ADAT1: variants seen among roughly 807,000 people sequenced by gnomAD.
ADAT1 encodes the protein tRNA-specific adenosine deaminase 1.
A neutral mutation model predicts 58.6 loss-of-function variants in ADAT1; 58 were observed. The ratio of observed to expected loss-of-function variants is 0.99; its 90% CI spans 0.80 to 1.23. ADAT1 has a LOEUF of 1.23. Among genes scored for constraint, ADAT1 ranks in the 50% most tolerant of loss-of-function variants. The probability of loss-of-function intolerance (pLI) is 0.00; values close to 1 mark genes in which losing one functional copy is unlikely to be tolerated. For missense variants in ADAT1, 741 were observed against 608.6 expected (o/e 1.22, Z -2.29); for synonymous variants, 254 against 220.8 (o/e 1.15, Z -1.33).
intron 6 of ADAT1, among the ~76,000 whole-genome samples, chr16:75,612,034 G>C (rs2081553245): frequency 6.6e-6 from 1 of 152,074 alleles, no homozygotes; most frequent in African/African-American, 2.4e-5. Context: ...CCCCAGCCTG[G>C]GTGACAGAGC....
chr16:75,605,479 G>A (rs547307301), intron 8 of ADAT1, among the ~76,000 whole-genome samples: 7 of 152,090 alleles, frequency 4.6e-5, no homozygotes, highest in South Asian at 2.1e-4. Context: ...TACATAATAC[G>A]TGTTAATTGT....
chr16:75,614,690 T>C (rs2081648349), intron 5 of ADAT1, among the ~76,000 whole-genome samples: 1 of 152,104 alleles, frequency 6.6e-6, no homozygotes, highest in South Asian at 2.1e-4. Flanking sequence ...GCCTGACTCA[T>C]GCTAATAAAA....
Position 75,604,474 on chromosome 16 carries a change from TACACACACACACACAC to T in ADAT1, c.1290-1319_1290-1304del, listed in dbSNP as rs373687206. Among the ~76,000 whole-genome samples, 114 of 53,984 alleles carry T rather than the reference TACACACACACACACAC, an allele frequency of 2.1e-3. 1 individual carries two copies. Among genetic ancestry groups the T allele is most frequent in the Middle Eastern group, 0.013 (1 of 80 alleles). The allele number at this position is 53,984 out of a possible 152,430, so 35.4% of individuals were successfully genotyped here. ...AAAAAAAAATATATATATATATATA[TACACACACACACACAC>T]ACACACACACACACACACACACACA... On this transcript the variant is annotated intron_variant, in intron 8 of 9. Transcript: ENST00000564657.
chr16:75,607,965 A>G (rs1422422170), intron 8 of ADAT1, among the ~76,000 whole-genome samples: 1 of 152,210 alleles, frequency 6.6e-6, no homozygotes, highest in Non-Finnish European at 1.5e-5. Flanking sequence ...ACACTATGCT[A>G]AGTGAAAGAA....
At chr16:75,604,489 ACACACAC>A in intron 8 of ADAT1, among the ~76,000 whole-genome samples, 1 of 132,484 alleles carries the variant, frequency 7.5e-6, no homozygotes, top group Non-Finnish European at 1.5e-5. Flanking sequence ...ACACACACAC[ACACACAC>A]ACACACACAC....
At chr16:75,611,784 G>A (rs542578985) in intron 6 of ADAT1, among the ~76,000 whole-genome samples, 264 of 152,114 alleles carry the variant, frequency 1.7e-3, no homozygotes, top group African/African-American at 6.1e-3. Flanking sequence ...TTAGCCGGGC[G>A]CGGTGGCTCA....
chr16:75,615,626 T>C (rs1487985849), intron 5 of ADAT1, among the ~76,000 whole-genome samples: 2 of 151,870 alleles, frequency 1.3e-5, no homozygotes, highest in African/African-American at 2.4e-5. Context: ...GTTAGACAAG[T>C]TTGGATTAGG....
At chr16:75,617,081 A>G in intron 5 of ADAT1, 61 bp downstream of exon 5, 1 of 1,545,942 alleles carries the variant, frequency 6.5e-7, no homozygotes, top group Admixed American at 1.8e-5. Flanking sequence ...CTACCTATGG[A>G]TAACACAAAC....
intron 8 of ADAT1, among the ~76,000 whole-genome samples, chr16:75,605,772 C>T (rs900911450): frequency 2.0e-5 from 3 of 151,524 alleles, no homozygotes; most frequent in African/African-American, 4.8e-5. Context: ...CCCGTCTCTA[C>T]TAAAAATACA....
chr16:75,605,830 G>A (rs1240790456), intron 8 of ADAT1, among the ~76,000 whole-genome samples: 1 of 151,402 alleles, frequency 6.6e-6, no homozygotes, highest in East Asian at 1.9e-4. Flanking sequence ...CCAGCTACTC[G>A]GGAGGCTGAG....
chr16:75,617,522 T>C (rs1024984088), intron 4 of ADAT1, among the ~76,000 whole-genome samples: 1 of 152,100 alleles, frequency 6.6e-6, no homozygotes, highest in Non-Finnish European at 1.5e-5. Context: ...TAACCCCAGC[T>C]ACTTGGGAGA....
rs1467479689 is a variant in ADAT1 at position 75,598,782 on chromosome 16, G to A, written c.*1434C>T. 1.9e-6 allele frequency: 1 copy of A among 536,398 alleles called. No homozygotes were observed. The highest frequency in any genetic ancestry group is 2.1e-5 in the African/African-American group (1 of 48,472). 33.2% of individuals were successfully genotyped at this position (536,398 alleles called of 1,614,324 possible). Reference sequence around the variant, plus strand: ...GATCTGCCTGCCTCAGCCTCCCAAAGTGTTGGAATTACAGGCGTAAGCCAC... The same window carrying A: ...GATCTGCCTGCCTCAGCCTCCCAAAATGTTGGAATTACAGGCGTAAGCCAC... On this transcript the variant is annotated 3_prime_UTR_variant, in exon 10 of 10. Transcript: ENST00000564657.
rs1567470288 is a variant in ADAT1 at position 75,608,831 on chromosome 16, T to C, written c.1189+12A>G. Reference sequence around the variant, plus strand: ...CAGTTACTCCAGGGCAGGTCTAACCTGGATCTCTTACCTGCCCCACAAGGA... The same window carrying C: ...CAGTTACTCCAGGGCAGGTCTAACCCGGATCTCTTACCTGCCCCACAAGGA... On this transcript the variant is annotated intron_variant, in intron 7 of 9. Transcript: ENST00000564657. 1.2e-6 allele frequency: 2 copies of C among 1,611,742 alleles called. No homozygotes were observed. The highest frequency in any genetic ancestry group is 1.7e-6 in the Non-Finnish European group (2 of 1,179,344).
At chr16:75,614,374 C>A (rs1418770415) in intron 5 of ADAT1, among the ~76,000 whole-genome samples, 1 of 152,194 alleles carries the variant, frequency 6.6e-6, no homozygotes, top group Non-Finnish European at 1.5e-5. Context: ...TCTGTCCTTA[C>A]AGGAAACAGA....
chr16:75,615,846 A>ATT (rs2081694350), intron 5 of ADAT1, among the ~76,000 whole-genome samples: 2 of 152,144 alleles, frequency 1.3e-5, no homozygotes, highest in Non-Finnish European at 2.9e-5. Context: ...TCATGTGCAT[A>ATT]TTACAGCTTG....
chr16:75,617,423 C>CA (rs2081769724), intron 4 of ADAT1, 151 bp from the exon 5 acceptor site: 3 of 821,114 alleles, frequency 3.7e-6, no homozygotes, highest in Middle Eastern at 2.5e-4. Flanking sequence ...CAGTGATTCT[C>CA]AAAGTGTGGT....
chr16:75,600,452 T>C (rs1411505844), intron 9 of ADAT1, 104 bp from the exon 10 acceptor site: 1 of 1,513,518 alleles, frequency 6.6e-7, no homozygotes, highest in Non-Finnish European at 8.9e-7. Context: ...TAATGAGACT[T>C]AGGTAGAGAA....
At chr16:75,605,596 T>G (rs74750114) in intron 8 of ADAT1, among the ~76,000 whole-genome samples, 17,703 of 152,022 alleles carry the variant, frequency 0.12, 2,555 homozygotes, top group East Asian at 0.7. Flanking sequence ...ACACCCACAT[T>G]GTTGAAAAGT....
chr16:75,606,660 C>T (rs566710203), intron 8 of ADAT1, among the ~76,000 whole-genome samples: 1 of 152,292 alleles, frequency 6.6e-6, no homozygotes, highest in East Asian at 1.9e-4. Flanking sequence ...TGACTGCAGC[C>T]CTGGCTGCCA....
Sources: gnomAD v4.1 joint callset for allele counts (sites outside exome capture counted in the v4.1 genomes callset) on GRCh38, gnomAD v4.1.1 for gene constraint, MANE v1.5 for transcripts, NCBI Gene and HGNC (gene_info 2026-07-23, HGNC 2026-07-21) for gene names.